CLPP: variants seen among roughly 807,000 people sequenced by gnomAD.
The protein encoded by CLPP is ATP-dependent Clp protease proteolytic subunit, mitochondrial.
CLPP carries 14 observed loss-of-function variants against 27.4 expected under a neutral mutation model. The ratio of observed to expected loss-of-function variants is 0.51; its 90% CI spans 0.34 to 0.80. The LOEUF is 0.80. Ranked by LOEUF, CLPP falls within the 30% of genes least tolerant of loss-of-function variation. The pLI is 0.02. For missense variants in CLPP, 361 were observed against 403.6 expected, an observed-to-expected ratio of 0.89 and a Z score of 0.90; for synonymous variants, 193 against 166.6, an observed-to-expected ratio of 1.16 and a Z score of -1.22.
intron 3 of CLPP, among the ~76,000 whole-genome samples, 182 bp downstream of exon 3, chr19:6,362,724 AGTCAGGATGTGGCCTCTTTGATCCT>A (rs1428830549): frequency 1.3e-5 from 2 of 152,190 alleles, no homozygotes; most frequent in East Asian, 3.8e-4. Flanking sequence ...TCGGTTCACA[AGTCAGGATGTGGCCTCTTTGATCCT>A]GCACATACTG....
intron 5 of CLPP, 138 bp downstream of exon 5, chr19:6,366,501 T>TC: frequency 1.7e-6 from 1 of 580,490 alleles, no homozygotes; most frequent in Non-Finnish European, 3.1e-6. Context: ...ATCCCAGAGG[T>TC]CAGCCTGGCC....
intron 4 of CLPP, chr19:6,365,231 C>T (rs973375544): frequency 6.7e-6 from 1 of 150,340 alleles, no homozygotes; most frequent in African/African-American, 2.4e-5. Flanking sequence ...TAAATCTTGA[C>T]ACTTTGGGAA....
At chr19:6,366,908 AGT>A (rs1162217591) in intron 5 of CLPP, among the ~76,000 whole-genome samples, 1 of 151,714 alleles carries the variant, frequency 6.6e-6, no homozygotes, top group African/African-American at 2.4e-5. Flanking sequence ...TGGGATTACA[AGT>A]GTGAGCCACC....
At chr19:6,362,081 C>A in intron 2 of CLPP, 141 bp downstream of exon 2, 1 of 758,296 alleles carries the variant, frequency 1.3e-6, no homozygotes, top group Non-Finnish European at 2.1e-6. Context: ...TCTGACTCCC[C>A]TCCTGGCTCC....
Position 6,364,460 on chromosome 19 carries a change from G to C in CLPP, c.376G>C (p.Val126Leu). 6.2e-7 allele frequency: 1 copy of C among 1,607,382 alleles called. No homozygotes were observed. The highest frequency in any genetic ancestry group is 8.5e-7 in the Non-Finnish European group (1 of 1,178,284). Residue 126 changes from valine (V) to leucine (L), a missense_variant, in exon 4 of 6, where the codon GTG (valine) becomes CTG (leucine). Val to Leu is a conservative substitution (Grantham distance 32, BLOSUM62 1). Transcript: ENST00000245816. Reference sequence around the variant, plus strand: ...TGCTCCCCCGCCCACAGGTGGTGTGGTGACCGCGGGCCTGGCCATCTACGA... The same window carrying C: ...TGCTCCCCCGCCCACAGGTGGTGTGCTGACCGCGGGCCTGGCCATCTACGA... ...HMYINSPGGV[V>L]TAGLAIYDTM...
At position 6,365,543 on chromosome 19, in the gene CLPP, C is replaced by T. The variant is rs1430716219; in HGVS notation, c.556-715C>T. ...GCTGTCTCTTGAGAATTAGCTTCAGCTGGGCACAGTGGCTCACATCTGTAA... is the reference window on the plus strand; with the variant it reads ...GCTGTCTCTTGAGAATTAGCTTCAGTTGGGCACAGTGGCTCACATCTGTAA... On this transcript the variant is annotated intron_variant, in intron 4 of 5. Coordinates refer to ENST00000245816, the MANE Select transcript of CLPP (RefSeq NM_006012.4). 2.0e-5 allele frequency among the ~76,000 whole-genome samples: 3 copies of T among 152,204 alleles called. No individual in the cohort carries two copies. In the East Asian group the frequency reaches 5.8e-4, roughly 29 times the overall value.
intron 3 of CLPP, among the ~76,000 whole-genome samples, chr19:6,363,334 G>T (rs1175805246): frequency 2.0e-5 from 3 of 151,804 alleles, no homozygotes; most frequent in African/African-American, 7.3e-5. Flanking sequence ...ACCATGTTAG[G>T]CTGGTCTTGA....
rs983229086 is a variant in CLPP, at chr19:6,369,284, G to A, written c.*574G>A. Among the ~76,000 whole-genome samples, 1 of 152,000 alleles carries A rather than the reference G, an allele frequency of 6.6e-6. No individual in the cohort carries two copies. Among genetic ancestry groups the A allele is most frequent in the Non-Finnish European group, 1.5e-5 (1 of 67,996 alleles). On this transcript the variant is annotated 3_prime_UTR_variant, in exon 6 of 6. Coordinates refer to ENST00000245816, the MANE Select transcript of CLPP (RefSeq NM_006012.4). ...AAAAATACAAAAATTAGCCGAGCGT[G>A]GTGCACCTGTAATCCCAGCTACTCC...
intron 5 of CLPP, among the ~76,000 whole-genome samples, chr19:6,366,879 C>T (rs2091865139): frequency 6.6e-6 from 1 of 151,800 alleles, no homozygotes; most frequent in Non-Finnish European, 1.5e-5. Context: ...GATCCAGCTG[C>T]CTCAGCCTCC....
In CLPP at chr19:6,362,559, C is replaced by T. The variant is rs766418074; in HGVS notation, c.367+17C>T. The stretch of plus-strand genomic sequence containing the variant: ...ACAGCCCTGGTGAGCAGGGTCTTTC[C>T]TGGGTGCCAGGGGCACTCGTCAGGG... On this transcript the variant is annotated intron_variant, in intron 3 of 5. Coordinates refer to ENST00000245816, the MANE Select transcript of CLPP (RefSeq NM_006012.4). 8.2e-6 allele frequency: 13 copies of T among 1,587,700 alleles called. No homozygotes were observed. The Admixed American group carries it at 2.0e-4, about 24-fold the overall frequency.
At chr19:6,365,362 C>T (rs533879976) in intron 4 of CLPP, among the ~76,000 whole-genome samples, 1 of 152,086 alleles carries the variant, frequency 6.6e-6, no homozygotes, top group East Asian at 1.9e-4. Flanking sequence ...GCCCATAATC[C>T]CAGCTGTTTT....
chr19:6,364,461 T>G lies in CLPP; in HGVS notation c.377T>G (p.Val126Gly). The G allele has an allele frequency of 6.2e-7, 1 of 1,607,446 alleles. No homozygotes were observed. The highest frequency in any genetic ancestry group is 8.5e-7 in the Non-Finnish European group (1 of 1,178,306). Reference protein sequence around the residue: ...HMYINSPGGVVTAGLAIYDTM... With the variant: ...HMYINSPGGVGTAGLAIYDTM... ...GCTCCCCCGCCCACAGGTGGTGTGG[T>G]GACCGCGGGCCTGGCCATCTACGAC... Residue 126 changes from valine (V) to glycine (G), a missense_variant, in exon 4 of 6, where the codon GTG (valine) becomes GGG (glycine). Physicochemically the swap from Val to Gly is moderately radical, Grantham distance 109 (BLOSUM62 -3). This residue lies in a region of CLPP where 213 missense variants were observed against 280.9 expected (regional missense o/e 0.76). Transcript: ENST00000245816.
intron 3 of CLPP, among the ~76,000 whole-genome samples, chr19:6,363,179 G>A (rs7255735): frequency 0.26 from 38,529 of 150,674 alleles, 8,704 homozygotes; most frequent in African/African-American, 0.6. Context: ...AGGCTGGAGT[G>A]CAGTGTTGCA....
chr19:6,363,327 A>G (rs991185112), intron 3 of CLPP, among the ~76,000 whole-genome samples: 3 of 151,832 alleles, frequency 2.0e-5, no homozygotes, highest in Non-Finnish European at 2.9e-5. Flanking sequence ...ATGTTTCACC[A>G]TGTTAGGCTG....
In CLPP at chr19:6,369,838, G is replaced by T. The variant is rs1046702900; in HGVS notation, c.*1128G>T. On this transcript the variant is annotated 3_prime_UTR_variant, in exon 6 of 6. Transcript: ENST00000245816. ...GGTGATTGAGAATAGATCATAAAAG[G>T]CCTGACATCTAAAAGGAGGGATGTG... 3.9e-5 allele frequency among the ~76,000 whole-genome samples: 6 copies of T among 152,192 alleles called. No individual in the cohort carries two copies. In the East Asian group the frequency reaches 1.2e-3, roughly 29 times the overall value.
rs546082478 is a variant in CLPP, at chr19:6,364,399, G to A, written c.368-53G>A. 4 of 1,532,392 alleles carry A rather than the reference G, an allele frequency of 2.6e-6. No individual in the cohort carries two copies. The East Asian group carries it at 7.2e-5, about 28-fold the overall frequency. 94.9% of individuals were successfully genotyped at this position (1,532,392 alleles called of 1,614,324 possible). ...TCCCCAGGTTTAGGAGATGGAATAG[G>A]GAAAGGGTCGGGGGGAGCTGGTCCA... is the stretch of plus-strand genomic sequence containing the variant. On this transcript the variant is annotated intron_variant, in intron 3 of 5. Coordinates refer to ENST00000245816, the MANE Select transcript of CLPP (RefSeq NM_006012.4).
Position 6,369,975 on chromosome 19 carries a change from C to T in CLPP, c.*1265C>T, listed in dbSNP as rs73563858. ...GTTAGGATAGTTGGAGTAATCTAGA[C>T]GAAAGCTGATGGCAGCCCTGGCCGA... On this transcript the variant is annotated 3_prime_UTR_variant, in exon 6 of 6. Coordinates refer to ENST00000245816, the MANE Select transcript of CLPP (RefSeq NM_006012.4). 0.052 allele frequency among the ~76,000 whole-genome samples: 7,941 copies of T among 152,138 alleles called. 501 individuals are homozygous for T. The highest frequency in any genetic ancestry group is 0.16 in the African/African-American group (6,444 of 41,470).
At chr19:6,364,341 T>G in intron 3 of CLPP, 111 bp from the exon 4 acceptor site, 1 of 1,036,794 alleles carries the variant, frequency 9.6e-7, no homozygotes, top group Non-Finnish European at 1.4e-6. Flanking sequence ...TATTAATTTT[T>G]AAAAAAGGAG....
In CLPP at chr19:6,364,504, C is replaced by T. The variant is rs746968341; in HGVS notation, c.420C>T (p.Leu140=). 3.8e-5 allele frequency: 61 copies of T among 1,611,838 alleles called. No individual in the cohort carries two copies. The highest frequency in any genetic ancestry group is 5.1e-5 in the Non-Finnish European group (60 of 1,179,642). Reference sequence around the variant, plus strand: ...TCTACGACACGATGCAGTACATCCTCAACCCGATCTGCACCTGGTGCGTGG... The same window carrying T: ...TCTACGACACGATGCAGTACATCCTTAACCCGATCTGCACCTGGTGCGTGG... The part of the protein sequence containing the change: ...LAIYDTMQYI[L]NPICTWCVGQ... Residue 140 remains leucine, a synonymous_variant, in exon 4 of 6, where the codon CTC becomes CTT. Transcript: ENST00000245816.
Sources: allele counts gnomAD v4.1 joint callset (sites outside exome capture counted in the v4.1 genomes callset), GRCh38; gene constraint gnomAD v4.1.1; regional missense constraint gnomAD v4.1.1; transcripts MANE v1.5; gene names NCBI Gene and HGNC (gene_info 2026-07-23, HGNC 2026-07-21).